The following TMEM132B variants were observed in gnomAD, a reference collection of about 807,000 sequenced individuals.
TMEM132B encodes the protein transmembrane protein 132B.
Under a neutral mutation model 90.8 loss-of-function variants are expected in TMEM132B, and 18 were observed. The observed-to-expected ratio is 0.20, with a 90% CI of 0.14 to 0.29. The LOEUF (loss-of-function observed/expected upper bound fraction) is 0.29. Among genes scored for constraint, TMEM132B ranks in the 10% least tolerant of loss-of-function variants. TMEM132B has a pLI of 1.00. For missense variants in TMEM132B, 1,096 were observed against 1,326.8 expected (o/e 0.83, Z 2.70); for synonymous variants, 504 against 523.3 (o/e 0.96, Z 0.50).
chr12:125,302,376 AAG>A (rs1875853087), intron 1 of TMEM132B, among the ~76,000 whole-genome samples: 1 of 151,914 alleles, frequency 6.6e-6, no homozygotes, highest in Non-Finnish European at 1.5e-5. Flanking sequence ...AAAAAAAAAA[AAG>A]TGAGCCTGGC....
intron 1 of TMEM132B, among the ~76,000 whole-genome samples, chr12:125,270,892 T>C (rs1345163879): frequency 6.6e-6 from 1 of 151,352 alleles, no homozygotes; most frequent in Non-Finnish European, 1.5e-5. Context: ...GAAAGTGAGA[T>C]GGAGCATTAG....
chr12:125,561,055 A>C (rs1592994001), intron 4 of TMEM132B, among the ~76,000 whole-genome samples: 1 of 152,146 alleles, frequency 6.6e-6, no homozygotes, highest in South Asian at 2.1e-4. Context: ...TCATTCTACT[A>C]TAAAGACACA....
rs191615118 is a variant in TMEM132B, at chr12:125,574,241, A to G, written c.1294-9610A>G. Among the ~76,000 whole-genome samples, 6 of 152,202 alleles carry G rather than the reference A, an allele frequency of 3.9e-5. No homozygotes were observed. In the East Asian group the frequency reaches 1.2e-3, roughly 29 times the overall value. ...TCTGTAAAGTGAAAGTAATAATAGA[A>G]GCAACCTCATTAATTAATATGAAGC... On this transcript the variant is annotated intron_variant, in intron 4 of 8. Coordinates refer to ENST00000682704, the MANE Select transcript of TMEM132B (RefSeq NM_001366854.1).
At chr12:125,287,162 C>T (rs969418244) in intron 1 of TMEM132B, among the ~76,000 whole-genome samples, 2 of 152,000 alleles carry the variant, frequency 1.3e-5, no homozygotes, top group Non-Finnish European at 2.9e-5. Flanking sequence ...GGCCTTGCCC[C>T]GACCTTTTCC....
At chr12:125,254,223 G>C (rs1007686827) in intron 1 of TMEM132B, among the ~76,000 whole-genome samples, 7 of 152,098 alleles carry the variant, frequency 4.6e-5, no homozygotes, top group Non-Finnish European at 8.8e-5. Flanking sequence ...CGAAGCTGCA[G>C]TGAGCCACGT....
chr12:125,333,073 C>G (rs139381739), intron 1 of TMEM132B, among the ~76,000 whole-genome samples: 33 of 152,322 alleles, frequency 2.2e-4, no homozygotes, highest in Middle Eastern at 3.4e-3. Flanking sequence ...CTGTTGTTTC[C>G]TCTGAAGACT....
chr12:125,424,838 G>A (rs1880269350), intron 3 of TMEM132B, among the ~76,000 whole-genome samples: 1 of 152,158 alleles, frequency 6.6e-6, no homozygotes, highest in African/African-American at 2.4e-5. Context: ...TATAGCCAAG[G>A]AGAGGAGGAG....
chr12:125,263,810 T>C (rs951198079), intron 1 of TMEM132B, among the ~76,000 whole-genome samples: 3 of 152,082 alleles, frequency 2.0e-5, no homozygotes, highest in African/African-American at 7.2e-5. Context: ...GTGTTAATGG[T>C]TTATGGGTGA....
chr12:125,360,215 G>A (rs1486707776), intron 2 of TMEM132B, among the ~76,000 whole-genome samples: 1 of 152,120 alleles, frequency 6.6e-6, no homozygotes, highest in Non-Finnish European at 1.5e-5. Context: ...TTTTACTTCT[G>A]CAATCTATAA....
rs1470474827 is a variant in TMEM132B at position 125,247,833 on chromosome 12, A to G, written c.67+60967A>G. 3.9e-5 allele frequency among the ~76,000 whole-genome samples: 6 copies of G among 152,200 alleles called. No homozygotes were observed. In the South Asian group the frequency reaches 1.2e-3, roughly 32 times the overall value. The stretch of plus-strand genomic sequence containing the variant: ...GTGGGAACGTGCCGCCCCCACCTCC[A>G]GATGGCACGAAGTAGGGACTACTCC... On this transcript the variant is annotated intron_variant, in intron 1 of 8. Transcript: ENST00000682704.
chr12:125,517,082 T>A (rs1470720357), intron 3 of TMEM132B, among the ~76,000 whole-genome samples: 1 of 152,138 alleles, frequency 6.6e-6, no homozygotes, highest in Non-Finnish European at 1.5e-5. Flanking sequence ...GGTCCCCTGA[T>A]GGGAAGGGGG....
intron 4 of TMEM132B, 44 bp from the exon 5 acceptor site, chr12:125,583,807 G>A: frequency 6.2e-7 from 1 of 1,609,682 alleles, no homozygotes; most frequent in Non-Finnish European, 8.5e-7. Context: ...TCGCCCCTGT[G>A]GTATGCACGT....
chr12:125,361,598 C>T lies in TMEM132B; in HGVS notation c.959+11255C>T, dbSNP rs542315731. ...TGCAACCTTGGAGCCCAGATCAAGT[C>T]GAGAGCTAAGAGCTTAGATTTTGGT... is the stretch of plus-strand genomic sequence containing the variant. On this transcript the variant is annotated intron_variant, in intron 2 of 8. Coordinates refer to ENST00000682704, the MANE Select transcript of TMEM132B (RefSeq NM_001366854.1). Among the ~76,000 whole-genome samples the T allele has an allele frequency of 1.7e-4, 26 of 152,280 alleles. 1 individual carries two copies. Among genetic ancestry groups the T allele is most frequent in the South Asian group, 4.1e-4 (2 of 4,822 alleles).
At chr12:125,617,137 T>C (rs759085452) in intron 5 of TMEM132B, among the ~76,000 whole-genome samples, 11 of 152,224 alleles carry the variant, frequency 7.2e-5, no homozygotes, top group Non-Finnish European at 1.0e-4. Context: ...TTTTGAAAGC[T>C]TTTACCACTC....
intron 1 of TMEM132B, among the ~76,000 whole-genome samples, chr12:125,259,647 C>T (rs778720977): frequency 3.9e-5 from 6 of 152,030 alleles, no homozygotes; most frequent in African/African-American, 7.2e-5. Context: ...CCCGGGGACT[C>T]GTCGGCAGTG....
rs565657051 is a variant in TMEM132B at position 125,196,322 on chromosome 12, C to T, written c.67+9456C>T. 3.9e-5 allele frequency among the ~76,000 whole-genome samples: 6 copies of T among 152,296 alleles called. No homozygotes were observed. In the East Asian group the frequency reaches 9.6e-4, roughly 24 times the overall value. On this transcript the variant is annotated intron_variant, in intron 1 of 8. Coordinates refer to ENST00000682704, the MANE Select transcript of TMEM132B (RefSeq NM_001366854.1). ...ACAAACAGAACAACAGAACTTCATCCGTGAGTTGGGCCTTTGCCTTTTGTT... is the reference window on the plus strand; with the variant it reads ...ACAAACAGAACAACAGAACTTCATCTGTGAGTTGGGCCTTTGCCTTTTGTT...
chr12:125,637,782 A>T (rs971784947), intron 5 of TMEM132B, among the ~76,000 whole-genome samples: 1 of 152,178 alleles, frequency 6.6e-6, no homozygotes, highest in Non-Finnish European at 1.5e-5. Flanking sequence ...GATTCCATTT[A>T]TATAAAATTC....
At chr12:125,257,622 C>T (rs1294814275) in intron 1 of TMEM132B, among the ~76,000 whole-genome samples, 1 of 152,128 alleles carries the variant, frequency 6.6e-6, no homozygotes, top group African/African-American at 2.4e-5. Flanking sequence ...CTGTGAATGT[C>T]ACTTTATATG....
At chr12:125,610,417 C>G (rs968965256) in intron 5 of TMEM132B, among the ~76,000 whole-genome samples, 3 of 152,078 alleles carry the variant, frequency 2.0e-5, no homozygotes, top group African/African-American at 7.2e-5. Context: ...TGAGGAGTTT[C>G]TCTTCTATTC....
Sources: allele counts gnomAD v4.1 joint callset (sites outside exome capture counted in the v4.1 genomes callset), GRCh38; gene constraint gnomAD v4.1.1; transcripts MANE v1.5; gene names NCBI Gene and HGNC (gene_info 2026-07-23, HGNC 2026-07-21).